Variants in MAP3K13 observed in about 807,000 individuals in gnomAD.
The protein encoded by MAP3K13 is leucine zipper-bearing kinase.
MAP3K13 carries 52 observed loss-of-function variants against 104.0 expected under a neutral mutation model. That is an observed-to-expected ratio of 0.50 (90% confidence interval 0.40 to 0.63). The LOEUF is 0.63. MAP3K13 is among the 20% of genes least tolerant of loss of function. The pLI is 0.00. For missense variants in MAP3K13, 914 were observed against 1,218.5 expected (o/e 0.75, Z 3.72); for synonymous variants, 394 against 442.2 (o/e 0.89, Z 1.37).
At position 185,443,461 on chromosome 3, in the gene MAP3K13, G is replaced by A; in HGVS notation, c.676G>A (p.Ala226Thr). The A allele has an allele frequency of 6.2e-7, 1 of 1,612,944 alleles. No homozygotes were observed. The highest frequency in any genetic ancestry group is 8.5e-7 in the Non-Finnish European group (1 of 1,179,214). The change falls in exon 4 of 14, where the codon GCC (alanine) becomes ACC (threonine). Residue 226 changes from alanine (A) to threonine (T), a missense_variant. By Grantham distance (58) the Ala-to-Thr change is moderately conservative. Around this residue, in one of 3 missense-constraint regions of MAP3K13, gnomAD observed 175 missense variants for 321.3 expected, o/e 0.54. Coordinates refer to ENST00000265026, the MANE Select transcript of MAP3K13 (RefSeq NM_004721.5). ...TCTTGGAAGGGGTGTTTGTACTCAG[G>A]CCCCATGTTATTGTATTATCATGGA... ...IIAFKGVCTQAPCYCIIMEYC... is the reference protein window; with the variant it reads ...IIAFKGVCTQTPCYCIIMEYC...
intron 2 of MAP3K13, among the ~76,000 whole-genome samples, chr3:185,332,902 T>A (rs1463154932): frequency 1.3e-5 from 2 of 152,264 alleles, no homozygotes; most frequent in African/African-American, 4.8e-5. Flanking sequence ...TTTGGCTATA[T>A]ACCCAGCAAT....
intron 1 of MAP3K13, among the ~76,000 whole-genome samples, chr3:185,387,576 A>T (rs1195829078): frequency 1.3e-5 from 2 of 152,166 alleles, no homozygotes; most frequent in African/African-American, 4.8e-5. Flanking sequence ...ACACCATATG[A>T]TCACCTCAAT....
chr3:185,455,431 TGAG>T (rs1716497434), intron 7 of MAP3K13, among the ~76,000 whole-genome samples: 1 of 113,426 alleles, frequency 8.8e-6, no homozygotes, highest in Non-Finnish European at 1.7e-5. Flanking sequence ...ATGATATATA[TGAG>T]ATATATATAT....
In MAP3K13 at chr3:185,307,546, C is replaced by CCCCGA. The variant is rs58408265; in HGVS notation, c.-86+21903_-86+21904insCCCGA. ...TAATTTCCATTTGGTGCACCACCCC[C>CCCCGA]TCCCCCGCCACCCCGAGATGCAGTC... On this transcript the variant is annotated intron_variant, in intron 2 of 14. Transcript: ENST00000424227. Among the ~76,000 whole-genome samples, 6 of 103,978 alleles carry CCCCGA rather than the reference C, an allele frequency of 5.8e-5. 1 individual carries two copies. In the East Asian group the frequency reaches 9.6e-4, roughly 17 times the overall value. 68.2% of individuals were successfully genotyped at this position (103,978 alleles called of 152,430 possible).
chr3:185,313,019 G>A (rs1721546300), intron 2 of MAP3K13, among the ~76,000 whole-genome samples: 1 of 151,970 alleles, frequency 6.6e-6, no homozygotes, highest in Admixed American at 6.6e-5. Context: ...GCAAAACCCT[G>A]TCTCTACTAA....
At chr3:185,304,809 T>G (rs1312573221) in intron 2 of MAP3K13, among the ~76,000 whole-genome samples, 2 of 152,126 alleles carry the variant, frequency 1.3e-5, no homozygotes, top group African/African-American at 4.8e-5. Context: ...AATTTTTGTA[T>G]TTTTAGTAGA....
At chr3:185,391,743 T>C (rs1349612346) in intron 1 of MAP3K13, among the ~76,000 whole-genome samples, 1 of 152,240 alleles carries the variant, frequency 6.6e-6, no homozygotes, top group East Asian at 1.9e-4. Flanking sequence ...CTTTTTTCTG[T>C]TCCCAATCCC....
At chr3:185,417,872 A>G (rs745448474) in intron 1 of MAP3K13, 12 of 1,606,226 alleles carry the variant, frequency 7.5e-6, no homozygotes, top group South Asian at 2.2e-5. Context: ...CGTGGTGCTC[A>G]AAGGGCTCTT....
chr3:185,426,974 C>G (rs1016655004), intron 1 of MAP3K13, among the ~76,000 whole-genome samples: 3 of 152,126 alleles, frequency 2.0e-5, no homozygotes, highest in African/African-American at 7.2e-5. Flanking sequence ...ACCCTGACCT[C>G]TAGCATATTC....
intron 2 of MAP3K13, among the ~76,000 whole-genome samples, chr3:185,305,742 AT>A (rs34397449): frequency 6.6e-6 from 1 of 152,182 alleles, no homozygotes; most frequent in Non-Finnish European, 1.5e-5. Context: ...CTTCATTAAA[AT>A]TTTTGAAATT....
intron 1 of MAP3K13, among the ~76,000 whole-genome samples, chr3:185,409,312 G>A (rs568170411): frequency 6.6e-6 from 1 of 152,284 alleles, no homozygotes; most frequent in Non-Finnish European, 1.5e-5. Context: ...AGGTCACAGT[G>A]AACTGAGGTC....
intron 2 of MAP3K13, among the ~76,000 whole-genome samples, chr3:185,287,096 T>C (rs1421671698): frequency 6.6e-6 from 1 of 152,202 alleles, no homozygotes; most frequent in Non-Finnish European, 1.5e-5. Flanking sequence ...CGTTAGATTG[T>C]TACTATTAAG....
intron 2 of MAP3K13, among the ~76,000 whole-genome samples, chr3:185,298,606 A>G (rs1720996273): frequency 6.6e-6 from 1 of 152,220 alleles, no homozygotes; most frequent in African/African-American, 2.4e-5. Flanking sequence ...GAAGTCAAGT[A>G]TCTCCTCATT....
intron 1 of MAP3K13, among the ~76,000 whole-genome samples, chr3:185,379,568 A>G (rs1395638758): frequency 2.0e-5 from 3 of 152,270 alleles, no homozygotes; most frequent in East Asian, 3.9e-4. Flanking sequence ...GGTCTCCCGA[A>G]GGAGTCCCAC....
In MAP3K13 at chr3:185,482,578, C is replaced by T; in HGVS notation, c.*122C>T. The T allele has an allele frequency of 1.5e-6, 1 of 678,306 alleles. No homozygotes were observed. Among genetic ancestry groups the T allele is most frequent in the Non-Finnish European group, 2.6e-6 (1 of 387,344 alleles). The allele number at this position is 678,306 out of a possible 1,614,324, so 42.0% of individuals were successfully genotyped here. A position where few individuals can be genotyped will look rare whatever the true frequency, so the allele number is the denominator to read the frequency against. On this transcript the variant is annotated 3_prime_UTR_variant, in exon 14 of 14. Transcript: ENST00000265026. The surrounding 1 kb of genome is among the most constrained non-coding windows in gnomAD (Gnocchi z 4.5). ...GGGAAGAGAGACTACCCCATCTTTA[C>T]CACCCCCTAGAAATGAGCTGCAATA... is the stretch of plus-strand genomic sequence containing the variant.
chr3:185,373,584 G>A (rs574074193), intron 1 of MAP3K13, among the ~76,000 whole-genome samples: 5 of 152,348 alleles, frequency 3.3e-5, no homozygotes, highest in Admixed American at 2.6e-4. Context: ...GGAGGTTGCA[G>A]TGAGCGGAGA....
chr3:185,428,324 A>T (rs935525168), intron 1 of MAP3K13, among the ~76,000 whole-genome samples, 173 bp from the exon 2 acceptor site: 1 of 152,120 alleles, frequency 6.6e-6, no homozygotes, highest in African/African-American at 2.4e-5. Flanking sequence ...TGTCATGTTC[A>T]TAAATACTCT....
chr3:185,317,529 GTAGT>G (rs1406673595), intron 2 of MAP3K13, among the ~76,000 whole-genome samples: 1 of 152,082 alleles, frequency 6.6e-6, no homozygotes, highest in African/African-American at 2.4e-5. Flanking sequence ...AGACTTTTAG[GTAGT>G]TATACTAAGG....
intron 2 of MAP3K13, among the ~76,000 whole-genome samples, chr3:185,324,614 C>T (rs963174566): frequency 5.9e-5 from 9 of 152,238 alleles, no homozygotes; most frequent in Admixed American, 5.2e-4. Flanking sequence ...TTGCCCCTTC[C>T]GCCATGCTTT....
Sources: allele counts gnomAD v4.1 joint callset (sites outside exome capture counted in the v4.1 genomes callset), GRCh38; gene constraint gnomAD v4.1.1; regional missense constraint gnomAD v4.1.1; non-coding constraint Gnocchi (gnomAD v3.1); transcripts MANE v1.5; gene names NCBI Gene and HGNC (gene_info 2026-07-23, HGNC 2026-07-21).